Variants in CPNE6 observed in about 807,000 individuals in gnomAD.
CPNE6 encodes the protein copine 6, also known as copine-6.
Under a neutral mutation model 71.5 loss-of-function variants are expected in CPNE6, and 33 were observed. The observed-to-expected ratio is 0.46, with a 90% CI of 0.35 to 0.62. The LOEUF (loss-of-function observed/expected upper bound fraction) is 0.62, where lower values mean the gene tolerates loss of function less well. CPNE6 is among the 20% of genes least tolerant of loss of function. The pLI is 0.00. For missense variants in CPNE6, 576 were observed against 747.3 expected (o/e 0.77, Z 2.67); for synonymous variants, 296 against 293.0 (o/e 1.01, Z -0.10).
chr14:24,075,795 T>A lies in CPNE6; in HGVS notation c.865-32T>A, dbSNP rs747727296. 6.2e-7 allele frequency: 1 copy of A among 1,603,690 alleles called. No individual in the cohort carries two copies. On this transcript the variant is annotated intron_variant, in intron 10 of 17. Transcript: ENST00000397016. The surrounding 1 kb of genome is among the most constrained non-coding windows in gnomAD (Gnocchi z 4.3). ...GCTCCCTCCTCAAAGGACCACCCCA[T>A]CCCCTCGCCTTACCCCTCTCCCTAC...
At position 24,075,325 on chromosome 14, in the gene CPNE6, A is replaced by G; in HGVS notation, c.777+49A>G. ...GAATCCCACCCAGATCCCTGGGAGA[A>G]TCCTGAGGGTGATGCTGAAGAGACC... On this transcript the variant is annotated intron_variant, in intron 9 of 17. Coordinates refer to ENST00000397016, the Ensembl canonical transcript of CPNE6. This position sits in a 1 kb window ranked among gnomAD's most constrained non-coding sequence, Gnocchi z 4.3. The G allele has an allele frequency of 6.6e-7, 1 of 1,525,260 alleles. No homozygotes were observed. The highest frequency in any genetic ancestry group is 9.1e-7 in the Non-Finnish European group (1 of 1,099,138). 94.5% of individuals were successfully genotyped at this position (1,525,260 alleles called of 1,614,324 possible).
intron 2 of CPNE6, 95 bp from the exon 2 acceptor site, chr14:24,072,838 G>T (rs1466407530): frequency 8.4e-7 from 1 of 1,195,146 alleles, no homozygotes; most frequent in Non-Finnish European, 1.1e-6. Flanking sequence ...AGGGAAGGAG[G>T]TTAAGGGGTG....
In CPNE6 at chr14:24,077,367, G is replaced by A. The variant is rs551051588; in HGVS notation, c.1513G>A (p.Val505Met). 9.3e-6 allele frequency: 15 copies of A among 1,613,862 alleles called. No individual in the cohort carries two copies. Among genetic ancestry groups the A allele is most frequent in the South Asian group, 3.3e-5 (3 of 91,066 alleles). Residue 505 changes from valine to methionine, a missense_variant, in exon 16 of 18, where the codon GTG (valine) becomes ATG (methionine). Around this residue, in one of 4 missense-constraint regions of CPNE6, gnomAD observed 264 missense variants for 339.9 expected, o/e 0.78. Transcript: ENST00000397016. This position sits in a 1 kb window ranked among gnomAD's most constrained non-coding sequence, Gnocchi z 6.1. Reference sequence around the variant, plus strand: ...TGCAGCCCGAGACATTGTCCAGTTCGTGCCCTTCCGAGACTTCAAGGATGT... The same window carrying A: ...TGCAGCCCGAGACATTGTCCAGTTCATGCCCTTCCGAGACTTCAAGGATGT...
chr14:24,071,501 G>GGGGGGCCCCCCCCCCC, intron 1 of CPNE6, 61 bp from the exon 1 acceptor site: 4 of 1,416,686 alleles, frequency 2.8e-6, no homozygotes, highest in Non-Finnish European at 2.8e-6. Context: ...CTGGTGCTGC[G>GGGGGGCCCCCCCCCCC]CCCCCCCCCA....
Position 24,077,015 on chromosome 14 carries a change from A to G in CPNE6, c.1299+3A>G. ...AGCAGAGCACCGGCCAAGCCACGGT[A>G]GGAAGACATGGCGGGCAAACAGGAG... On this transcript the variant is annotated splice_donor_region_variant and intron_variant, in intron 15 of 17. Coordinates refer to ENST00000397016, the Ensembl canonical transcript of CPNE6. This position sits in a 1 kb window ranked among gnomAD's most constrained non-coding sequence, Gnocchi z 6.1. 1 of 1,609,640 alleles carries G rather than the reference A, an allele frequency of 6.2e-7. No individual in the cohort carries two copies.
In CPNE6 at chr14:24,075,905, G is replaced by A. The variant is rs369247706; in HGVS notation, c.924+19G>A. The A allele has an allele frequency of 1.3e-5, 21 of 1,613,630 alleles. No homozygotes were observed. In the African/African-American group the frequency reaches 2.0e-4, roughly 15 times the overall value. ...CTTCACGGTAAAGACTCAGAGGGAG[G>A]GCACACAGGCAAGAGGGAGGGGCTG... On this transcript the variant is annotated intron_variant, in intron 11 of 17. Coordinates refer to ENST00000397016, the Ensembl canonical transcript of CPNE6. This position sits in a 1 kb window ranked among gnomAD's most constrained non-coding sequence, Gnocchi z 4.3.
At chr14:24,076,741 T>A in intron 14 of CPNE6, 138 bp from the exon 14 acceptor site, 1 of 1,482,326 alleles carries the variant, frequency 6.7e-7, no homozygotes, top group East Asian at 2.3e-5. Flanking sequence ...CAAGGGACCA[T>A]CCAACTCTCC....
intron 14 of CPNE6, 150 bp from the exon 14 acceptor site, chr14:24,076,729 G>A (rs1157212875): frequency 6.9e-7 from 1 of 1,450,476 alleles, no homozygotes; most frequent in Non-Finnish European, 9.5e-7. Flanking sequence ...AACTCTCCCT[G>A]CCAAGGGACC....
At chr14:24,071,624 C>T (rs1343890145) in exon 2 of CPNE6, 1 of 1,162,986 alleles carries the variant, frequency 8.6e-7, no homozygotes, top group East Asian at 2.5e-5. Flanking sequence ...AGAGAGGAGC[C>T]CCCGACCGAG....
intron 1 of CPNE6, 61 bp from the exon 1 acceptor site, chr14:24,071,501 G>GCGC: frequency 7.9e-5 from 112 of 1,416,596 alleles, no homozygotes; most frequent in Non-Finnish European, 9.8e-5. Flanking sequence ...CTGGTGCTGC[G>GCGC]CCCCCCCCCA....
exon 15 of CPNE6, chr14:24,076,905 C>T (rs1227283567): frequency 9.3e-6 from 15 of 1,613,242 alleles, no homozygotes; most frequent in African/African-American, 1.3e-5. Context: ...CGCCTCCTAC[C>T]GTCGTTGCCT....
rs780449610 is a variant in CPNE6 at position 24,077,610 on chromosome 14, C to T, written c.1554C>T (p.Leu518=). The T allele has an allele frequency of 4.4e-6, 7 of 1,587,760 alleles. No individual in the cohort carries two copies. The highest frequency in any genetic ancestry group is 2.3e-5 in the South Asian group (2 of 86,110). Residue 518 remains leucine (L), a synonymous_variant, in exon 17 of 18, where the codon CTC becomes CTT. Transcript: ENST00000397016. This position sits in a 1 kb window ranked among gnomAD's most constrained non-coding sequence, Gnocchi z 6.1. Reference sequence around the variant, plus strand: ...CACCCTAGGCTGCCCCCTCTGCACTCGCCAAGTGTGTCCTGGCTGAGGTGC... The same window carrying T: ...CACCCTAGGCTGCCCCCTCTGCACTTGCCAAGTGTGTCCTGGCTGAGGTGC...
chr14:24,077,027 C>G lies in CPNE6; in HGVS notation c.1299+15C>G, dbSNP rs374220124. On this transcript the variant is annotated intron_variant, in intron 15 of 17. Transcript: ENST00000397016. The surrounding 1 kb of genome is among the most constrained non-coding windows in gnomAD (Gnocchi z 6.1). The stretch of plus-strand genomic sequence containing the variant: ...GCCAAGCCACGGTAGGAAGACATGG[C>G]GGGCAAACAGGAGCTGTCCCATGTG... 1.2e-6 allele frequency: 2 copies of G among 1,607,662 alleles called. No individual in the cohort carries two copies. The highest frequency in any genetic ancestry group is 1.1e-5 in the South Asian group (1 of 91,066).
rs548010263 is a variant in CPNE6, at chr14:24,076,300, G to A, written c.1058+18G>A. 66 of 1,614,226 alleles carry A rather than the reference G, an allele frequency of 4.1e-5. No homozygotes were observed. The highest frequency in any genetic ancestry group is 1.8e-4 in the Admixed American group (11 of 60,030). On this transcript the variant is annotated intron_variant, in intron 12 of 17. Coordinates refer to ENST00000397016, the Ensembl canonical transcript of CPNE6. Reference sequence around the variant, plus strand: ...TATGACAGGTAGGAGAGAGTGGGGCGGGAGGGAACAGGCAGGGAGGCCTTG... The same window carrying A: ...TATGACAGGTAGGAGAGAGTGGGGCAGGAGGGAACAGGCAGGGAGGCCTTG...
chr14:24,071,286 T>C (rs2035888381), intron 1 of CPNE6: 3 of 1,328,842 alleles, frequency 2.3e-6, no homozygotes, highest in African/African-American at 3.0e-5. Flanking sequence ...TGAATGTGTA[T>C]GTGCATGCCA....
chr14:24,077,472 G>A lies in CPNE6; in HGVS notation c.1536+82G>A, dbSNP rs779447866. On this transcript the variant is annotated intron_variant, in intron 16 of 17. Transcript: ENST00000397016. This position sits in a 1 kb window ranked among gnomAD's most constrained non-coding sequence, Gnocchi z 6.1. Reference sequence around the variant, plus strand: ...ATCTGACCTTCGTCTTCCACCATTTGATGTCCTGCTAAGGACGCGGGAGCC... The same window carrying A: ...ATCTGACCTTCGTCTTCCACCATTTAATGTCCTGCTAAGGACGCGGGAGCC... The A allele has an allele frequency of 6.4e-6, 10 of 1,574,242 alleles. No individual in the cohort carries two copies. The highest frequency in any genetic ancestry group is 1.7e-5 in the Admixed American group (1 of 59,926).
chr14:24,076,691 C>T (rs2036077509), intron 14 of CPNE6, 134 bp downstream of exon 13: 10 of 1,457,424 alleles, frequency 6.9e-6, no homozygotes, highest in Non-Finnish European at 9.5e-6. Flanking sequence ...GGTGAGGCTT[C>T]CAGGGCCGAG....
Position 24,071,413 on chromosome 14 carries a change from C to G in CPNE6, c.-119-114C>G, listed in dbSNP as rs550356579. The G allele has an allele frequency of 1.0e-5, 15 of 1,460,078 alleles. No individual in the cohort carries two copies. In the East Asian group the frequency reaches 1.7e-4, roughly 17 times the overall value. The allele number at this position is 1,460,078 out of a possible 1,614,324, so 90.4% of individuals were successfully genotyped here. The stretch of plus-strand genomic sequence containing the variant: ...GCCACCCCCAGCCTGCCCTCCTCCC[C>G]CGGTTCTGTGGCTCCCTCCCAGGCT... On this transcript the variant is annotated intron_variant, in intron 1 of 17. Coordinates refer to ENST00000397016, the Ensembl canonical transcript of CPNE6.
rs890545855 is a variant in CPNE6, at chr14:24,073,417, G to A, written c.169-82G>A. On this transcript the variant is annotated intron_variant, in intron 3 of 17. Transcript: ENST00000397016. This position sits in a 1 kb window ranked among gnomAD's most constrained non-coding sequence, Gnocchi z 5.5. ...GGGACGTGGGGGCCCAAGAAGAGCT[G>A]GCATGACTAGGGCAGTCCAGGACAG... 2.1e-6 allele frequency: 3 copies of A among 1,452,552 alleles called. No homozygotes were observed. The highest frequency in any genetic ancestry group is 1.9e-6 in the Non-Finnish European group (2 of 1,071,200). 90.0% of individuals were successfully genotyped at this position (1,452,552 alleles called of 1,614,324 possible). A position where few individuals can be genotyped will look rare whatever the true frequency, so the allele number is the denominator to read the frequency against.
Sources: gnomAD v4.1 joint callset for allele counts on GRCh38, gnomAD v4.1.1 for gene constraint, gnomAD v4.1.1 regional missense constraint, Gnocchi (gnomAD v3.1) non-coding constraint, MANE v1.5 for transcripts, NCBI Gene and HGNC (gene_info 2026-07-23, HGNC 2026-07-21) for gene names.